SLC6A17: variants seen among roughly 807,000 people sequenced by gnomAD.
SLC6A17 encodes the protein solute carrier family 6 member 17.
In SLC6A17, 21 loss-of-function variants were observed where a neutral mutation model predicts 64.5. The ratio of observed to expected loss-of-function variants is 0.33; its 90% CI spans 0.23 to 0.47. The LOEUF is 0.47. SLC6A17 is among the 20% of genes least tolerant of loss of function. The probability of loss-of-function intolerance (pLI) is 1.00; values close to 1 mark genes in which losing one functional copy is unlikely to be tolerated. For missense variants in SLC6A17, 682 were observed against 963.2 expected, an observed-to-expected ratio of 0.71 and a Z score of 3.86; for synonymous variants, 372 against 399.5, an observed-to-expected ratio of 0.93 and a Z score of 0.82.
intron 6 of SLC6A17, among the ~76,000 whole-genome samples, chr1:110,185,627 C>T (rs1014899183): frequency 6.6e-5 from 10 of 152,324 alleles, no homozygotes; most frequent in African/African-American, 1.7e-4. Flanking sequence ...GGGGGCGAGC[C>T]GCCTTTTCTG....
At chr1:110,173,898 G>GACA in intron 3 of SLC6A17, 75 bp from the exon 4 acceptor site, 1 of 1,529,246 alleles carries the variant, frequency 6.5e-7, no homozygotes, top group Non-Finnish European at 8.8e-7. Flanking sequence ...CCGACGTGCT[G>GACA]GGCCTCGGGT....
At chr1:110,171,995 G>A in intron 2 of SLC6A17, 65 bp from the exon 3 acceptor site, 2 of 1,575,772 alleles carry the variant, frequency 1.3e-6, no homozygotes, top group Non-Finnish European at 1.7e-6. Flanking sequence ...CATGGCTGCG[G>A]CCCCTTCCCT....
At chr1:110,160,682 C>T (rs1223626530) in intron 1 of SLC6A17, among the ~76,000 whole-genome samples, 5 of 152,104 alleles carry the variant, frequency 3.3e-5, no homozygotes, top group South Asian at 2.1e-4. Flanking sequence ...GTCATAGAGG[C>T]GAGGCAGGGG....
chr1:110,190,244 G>A (rs900151120), intron 6 of SLC6A17, among the ~76,000 whole-genome samples: 2 of 152,146 alleles, frequency 1.3e-5, no homozygotes, highest in African/African-American at 4.8e-5. Context: ...CTTTCTTGGT[G>A]GACTAAAGAT....
At chr1:110,194,484 A>T in intron 8 of SLC6A17, 95 bp from the exon 9 acceptor site, 1 of 1,326,772 alleles carries the variant, frequency 7.5e-7, no homozygotes, top group Non-Finnish European at 1.0e-6. Context: ...AAGAGGGAAT[A>T]GTTATTCCAA....
intron 6 of SLC6A17, among the ~76,000 whole-genome samples, chr1:110,186,764 A>G (rs1269817060): frequency 6.6e-6 from 1 of 152,254 alleles, no homozygotes; most frequent in East Asian, 1.9e-4. Flanking sequence ...CCCTAAGCAC[A>G]AAGTGTTGAA....
chr1:110,194,782 C>T lies in SLC6A17; in HGVS notation c.1492+11C>T, dbSNP rs1182531139. 1 of 1,611,202 alleles carries T rather than the reference C, an allele frequency of 6.2e-7. No individual in the cohort carries two copies. Among genetic ancestry groups the T allele is most frequent in the Non-Finnish European group, 8.5e-7 (1 of 1,180,012 alleles). The stretch of plus-strand genomic sequence containing the variant: ...AGGAGATGTTCACAGGTAACTCCTC[C>T]CTGCCCCCATGCCCAGGCTCTGCAG... On this transcript the variant is annotated intron_variant, in intron 9 of 11. Transcript: ENST00000331565.
At chr1:110,173,053 A>G (rs747207712) in intron 3 of SLC6A17, among the ~76,000 whole-genome samples, 5 of 152,232 alleles carry the variant, frequency 3.3e-5, no homozygotes, top group Non-Finnish European at 7.3e-5. Flanking sequence ...GTCAGCCATC[A>G]GCTTTGCACT....
chr1:110,174,983 A>T, intron 5 of SLC6A17, 23 bp downstream of exon 5: 1 of 1,605,818 alleles, frequency 6.2e-7, no homozygotes, highest in Non-Finnish European at 8.5e-7. Flanking sequence ...GGGGGCACCC[A>T]GGACCCAAAT....
Position 110,192,331 on chromosome 1 carries a change from A to G in SLC6A17, c.1106+118A>G. 2 of 1,491,848 alleles carry G rather than the reference A, an allele frequency of 1.3e-6. No homozygotes were observed. Among genetic ancestry groups the G allele is most frequent in the Non-Finnish European group, 1.8e-6 (2 of 1,101,456 alleles). 92.4% of individuals were successfully genotyped at this position (1,491,848 alleles called of 1,614,324 possible). ...AGGTCCCCTCCACTCAGACTGAGGAATGGAGATCAGAGGAGCACTCTCTGT... is the reference window on the plus strand; with the variant it reads ...AGGTCCCCTCCACTCAGACTGAGGAGTGGAGATCAGAGGAGCACTCTCTGT... On this transcript the variant is annotated intron_variant, in intron 7 of 11. Coordinates refer to ENST00000331565, the MANE Select transcript of SLC6A17 (RefSeq NM_001010898.4). The surrounding 1 kb of genome is among the most constrained non-coding windows in gnomAD (Gnocchi z 4.3).
chr1:110,180,194 C>T (rs1400602851), intron 6 of SLC6A17, among the ~76,000 whole-genome samples: 1 of 152,258 alleles, frequency 6.6e-6, no homozygotes, highest in Non-Finnish European at 1.5e-5. Context: ...CTCCACATCC[C>T]ATGCTCTCCA....
intron 2 of SLC6A17, among the ~76,000 whole-genome samples, chr1:110,169,445 A>T (rs1479892170): frequency 1.3e-5 from 2 of 152,230 alleles, no homozygotes; most frequent in Non-Finnish European, 2.9e-5. Flanking sequence ...CTTTACCCAG[A>T]TGAGAAAACC....
chr1:110,184,392 A>G (rs1656623725), intron 6 of SLC6A17, among the ~76,000 whole-genome samples: 1 of 152,206 alleles, frequency 6.6e-6, no homozygotes. Context: ...GATGTGAGCC[A>G]CTGCGCGCAG....
At chr1:110,189,035 G>A (rs1184558417) in intron 6 of SLC6A17, among the ~76,000 whole-genome samples, 1 of 152,096 alleles carries the variant, frequency 6.6e-6, no homozygotes, top group Non-Finnish European at 1.5e-5. Flanking sequence ...TCCCTTTCAG[G>A]AGACTCTCCC....
chr1:110,159,401 T>C (rs1223213567), intron 1 of SLC6A17, among the ~76,000 whole-genome samples: 1 of 152,150 alleles, frequency 6.6e-6, no homozygotes, highest in Non-Finnish European at 1.5e-5. Context: ...TGCCAGTTCC[T>C]CCCCCTCTGG....
rs186798777 is a variant in SLC6A17, at chr1:110,197,426, A to G, written c.1653-11A>G. On this transcript the variant is annotated splice_polypyrimidine_tract_variant and intron_variant, in intron 10 of 11. Transcript: ENST00000331565. The stretch of plus-strand genomic sequence containing the variant: ...GATGCCAACTGCTGGACCCTCTGCT[A>G]TGCCTGGCAGGTTCATGCAGGAGCT... 1.2e-6 allele frequency: 2 copies of G among 1,607,234 alleles called. No individual in the cohort carries two copies. Among genetic ancestry groups the G allele is most frequent in the African/African-American group, 1.3e-5 (1 of 74,896 alleles).
chr1:110,188,948 T>C (rs1656756221), intron 6 of SLC6A17, among the ~76,000 whole-genome samples: 1 of 152,172 alleles, frequency 6.6e-6, no homozygotes, highest in Non-Finnish European at 1.5e-5. Flanking sequence ...CCTCAGGGTC[T>C]TTCACTGGCA....
chr1:110,155,709 G>A (rs1334416257), intron 1 of SLC6A17, among the ~76,000 whole-genome samples: 1 of 152,138 alleles, frequency 6.6e-6, no homozygotes, highest in African/African-American at 2.4e-5. Context: ...GTCACTGTAC[G>A]CCATCATTTC....
At chr1:110,194,489 T>C (rs1656908276) in intron 8 of SLC6A17, 90 bp from the exon 9 acceptor site, 2 of 1,378,050 alleles carry the variant, frequency 1.5e-6, no homozygotes, top group Non-Finnish European at 2.0e-6. Context: ...GGAATAGTTA[T>C]TCCAAAAGTT....
Sources: allele counts gnomAD v4.1 joint callset (sites outside exome capture counted in the v4.1 genomes callset), GRCh38; gene constraint gnomAD v4.1.1; non-coding constraint Gnocchi (gnomAD v3.1); transcripts MANE v1.5; gene names NCBI Gene and HGNC (gene_info 2026-07-23, HGNC 2026-07-21).